The following PIGU variants were observed in gnomAD, a reference collection of about 807,000 sequenced individuals.
PIGU encodes GPI-anchor transamidase component PIGU.
Under a neutral mutation model 49.9 loss-of-function variants are expected in PIGU, and 24 were observed. The observed-to-expected ratio is 0.48, with a 90% CI of 0.35 to 0.68. The LOEUF (loss-of-function observed/expected upper bound fraction) is 0.68. Among genes scored for constraint, PIGU ranks in the 30% least tolerant of loss-of-function variants. The pLI, the probability that PIGU is intolerant of heterozygous loss-of-function variation, is 0.01. For missense variants in PIGU, 490 were observed against 532.6 expected (o/e 0.92, Z 0.79); for synonymous variants, 220 against 205.7 (o/e 1.07, Z -0.59).
chr20:34,608,113 G>T (rs1984684817), intron 7 of PIGU, among the ~76,000 whole-genome samples: 1 of 143,022 alleles, frequency 7.0e-6, no homozygotes. Context: ...CTTGCACTGT[G>T]GCCCAGGCTG....
intron 10 of PIGU, 97 bp from the exon 11 acceptor site, chr20:34,575,343 C>A: frequency 7.0e-7 from 1 of 1,425,400 alleles, no homozygotes. Flanking sequence ...CCAAGGTGAG[C>A]ATCATGTAGC....
chr20:34,641,749 GGAA>G lies in PIGU; in HGVS notation c.318+2412_318+2414del, dbSNP rs578126135. Among the ~76,000 whole-genome samples, 1,256 of 152,116 alleles carry G rather than the reference GGAA, an allele frequency of 8.3e-3. 23 individuals carry two copies. Among genetic ancestry groups the G allele is most frequent in the African/African-American group, 0.029 (1,212 of 41,508 alleles). On this transcript the variant is annotated intron_variant, in intron 4 of 11. Transcript: ENST00000217446. ...TGCGATATGAACCCTTCTGACAAAG[GGAA>G]GAAGATTTAGAGGAAGACATGCTGC...
intron 2 of PIGU, among the ~76,000 whole-genome samples, chr20:34,651,018 G>T (rs1194719833): frequency 2.0e-5 from 3 of 152,004 alleles, no homozygotes; most frequent in Non-Finnish European, 4.4e-5. Context: ...CCAGCCAATG[G>T]TTGGTAATTT....
intron 7 of PIGU, among the ~76,000 whole-genome samples, chr20:34,612,613 C>T (rs1984858737): frequency 1.3e-5 from 2 of 151,072 alleles, no homozygotes; most frequent in Non-Finnish European, 3.0e-5. Flanking sequence ...CTTTTTCTTT[C>T]CTTTTCTTTT....
intron 8 of PIGU, among the ~76,000 whole-genome samples, chr20:34,586,451 A>G (rs891812621): frequency 6.6e-6 from 1 of 152,158 alleles, no homozygotes; most frequent in African/African-American, 2.4e-5. Flanking sequence ...CGCAACTCCT[A>G]TCTAAGGCAG....
intron 7 of PIGU, 51 bp downstream of exon 7, chr20:34,615,990 GC>G: frequency 6.4e-7 from 1 of 1,566,802 alleles, no homozygotes; most frequent in Non-Finnish European, 8.6e-7. Context: ...CAGGGACCAG[GC>G]CATGTATTAA....
At chr20:34,567,840 C>T (rs1982840146) in intron 11 of PIGU, among the ~76,000 whole-genome samples, 2 of 151,696 alleles carry the variant, frequency 1.3e-5, no homozygotes, top group Admixed American at 1.3e-4. Context: ...CCTCCTTCAC[C>T]CCCACCCAGG....
chr20:34,675,278 G>C lies in PIGU; in HGVS notation c.130+1678C>G, dbSNP rs1252910453. ...AAAAAAAAAAAAAAAAAGAGAGAGA[G>C]AGAAAATGTGGAAAAACCGGATATA... On this transcript the variant is annotated intron_variant, in intron 1 of 11. Coordinates refer to ENST00000217446, the MANE Select transcript of PIGU (RefSeq NM_080476.5). Among the ~76,000 whole-genome samples the C allele has an allele frequency of 5.4e-4, 70 of 129,894 alleles. 1 individual carries two copies. The highest frequency in any genetic ancestry group is 1.3e-4 in the Non-Finnish European group (8 of 60,494). The allele number at this position is 129,894 out of a possible 152,430, so 85.2% of individuals were successfully genotyped here.
At chr20:34,637,755 A>C (rs750486167) in intron 5 of PIGU, 121 bp downstream of exon 5, 33 of 1,539,464 alleles carry the variant, frequency 2.1e-5, no homozygotes, top group Non-Finnish European at 2.8e-5. Context: ...ACAGAACTAC[A>C]GCAAATACTT....
intron 7 of PIGU, among the ~76,000 whole-genome samples, chr20:34,600,173 G>A (rs567309090): frequency 2.6e-5 from 4 of 152,270 alleles, no homozygotes; most frequent in South Asian, 2.1e-4. Flanking sequence ...TTGGGAGGCC[G>A]AGGCGGGCGG....
rs770007424 is a variant in PIGU, at chr20:34,581,638, C to A, written c.961G>T (p.Ala321Ser). Residue 321 changes from alanine to serine, a missense_variant, in exon 10 of 12, where the codon GCT (alanine) becomes TCT (serine). By Grantham distance (99) the Ala-to-Ser change is moderately conservative (BLOSUM62 1). Coordinates refer to ENST00000217446, the MANE Select transcript of PIGU (RefSeq NM_080476.5). ...TAGGACTTAAAGATGGCGATGACAG[C>A]GATCTGGATAAACATGAAGAAGATG... Reference protein sequence around the residue: ...HPIFFMFIQIAVIAIFKSYPT... With the variant: ...HPIFFMFIQISVIAIFKSYPT... The A allele has an allele frequency of 5.0e-6, 8 of 1,613,832 alleles. No individual in the cohort carries two copies. The highest frequency in any genetic ancestry group is 3.3e-5 in the South Asian group (3 of 91,074).
At chr20:34,585,769 C>T (rs897177470) in intron 8 of PIGU, among the ~76,000 whole-genome samples, 189 bp from the exon 9 acceptor site, 2 of 152,132 alleles carry the variant, frequency 1.3e-5, no homozygotes, top group Non-Finnish European at 2.9e-5. Context: ...TGAGCAGAGA[C>T]ATATAATGAT....
chr20:34,596,947 G>A (rs1351437311), intron 7 of PIGU, among the ~76,000 whole-genome samples: 1 of 152,104 alleles, frequency 6.6e-6, no homozygotes, highest in Non-Finnish European at 1.5e-5. Flanking sequence ...AGAACTTCAC[G>A]AAGATATACC....
chr20:34,631,428 A>G (rs1985704623), intron 6 of PIGU, among the ~76,000 whole-genome samples: 1 of 151,952 alleles, frequency 6.6e-6, no homozygotes, highest in Admixed American at 6.6e-5. Context: ...AACTAAAGAC[A>G]CTAGTTTCCA....
chr20:34,631,389 T>C (rs1016898785), intron 6 of PIGU, among the ~76,000 whole-genome samples: 2 of 151,932 alleles, frequency 1.3e-5, no homozygotes, highest in African/African-American at 4.8e-5. Flanking sequence ...AGGTAGAATT[T>C]GGAAAAGTTG....
chr20:34,621,638 A>C (rs1408400028), intron 6 of PIGU, among the ~76,000 whole-genome samples: 1 of 152,200 alleles, frequency 6.6e-6, no homozygotes, highest in East Asian at 1.9e-4. Flanking sequence ...GTTTTGAAAA[A>C]AGCTTGAAGG....
chr20:34,640,204 GGAA>G (rs1986106410), intron 4 of PIGU, among the ~76,000 whole-genome samples: 2 of 152,144 alleles, frequency 1.3e-5, no homozygotes, highest in South Asian at 4.1e-4. Flanking sequence ...TGCCAGCAAT[GGAA>G]GTACTTCCTT....
intron 1 of PIGU, among the ~76,000 whole-genome samples, chr20:34,659,610 G>C (rs1391323484): frequency 3.3e-5 from 5 of 152,196 alleles, no homozygotes; most frequent in Non-Finnish European, 7.3e-5. Context: ...GGAATAGAAA[G>C]GGGGGAAAGG....
chr20:34,569,762 T>C lies in PIGU; in HGVS notation c.1194+5342A>G, dbSNP rs1431354902. Among the ~76,000 whole-genome samples the C allele has an allele frequency of 3.3e-5, 5 of 152,214 alleles. No homozygotes were observed. In the East Asian group the frequency reaches 9.6e-4, roughly 29 times the overall value. On this transcript the variant is annotated intron_variant, in intron 11 of 11. Transcript: ENST00000217446. ...CAGAAATGTGTTAGAGCATTGGTCA[T>C]AAAATGTGGTTTCTGATGCCAGCTC...
Sources: allele counts gnomAD v4.1 joint callset (sites outside exome capture counted in the v4.1 genomes callset), GRCh38; gene constraint gnomAD v4.1.1; transcripts MANE v1.5; gene names NCBI Gene and HGNC (gene_info 2026-07-23, HGNC 2026-07-21).